Variants in PLXNA4 observed in about 807,000 individuals in gnomAD.
The protein encoded by PLXNA4 is plexin A4.
PLXNA4 carries 44 observed loss-of-function variants against 191.8 expected under a neutral mutation model. That is an observed-to-expected ratio of 0.23 (90% CI 0.18 to 0.29). PLXNA4 has a LOEUF of 0.29. Among genes scored for constraint, PLXNA4 ranks in the 10% least tolerant of loss-of-function variants. PLXNA4 has a pLI of 1.00. For missense variants in PLXNA4, 1,800 were observed against 2,488.8 expected (o/e 0.72, Z 5.89); for synonymous variants, 1,082 against 1,009.5 (o/e 1.07, Z -1.36).
At chr7:132,345,010 C>T (rs1438132179) in intron 3 of PLXNA4, among the ~76,000 whole-genome samples, 1 of 152,202 alleles carries the variant, frequency 6.6e-6, no homozygotes, top group Non-Finnish European at 1.5e-5. Flanking sequence ...TTTTCCCCAA[C>T]AGCCTAGGTG....
intron 16 of PLXNA4, among the ~76,000 whole-genome samples, chr7:132,183,951 G>A (rs1375047355): frequency 6.6e-6 from 1 of 152,234 alleles, no homozygotes; most frequent in African/African-American, 2.4e-5. Flanking sequence ...TAGTGAGAAA[G>A]CAGCTATAGA....
At chr7:132,559,416 C>G (rs1800935790) in intron 1 of PLXNA4, among the ~76,000 whole-genome samples, 1 of 152,174 alleles carries the variant, frequency 6.6e-6, no homozygotes, top group Admixed American at 6.5e-5. Flanking sequence ...CATCGTTTCA[C>G]TTGATGTTGT....
In PLXNA4 at chr7:132,179,348, C is replaced by T. The variant is rs530700153; in HGVS notation, c.3874+339G>A. On this transcript the variant is annotated intron_variant, in intron 20 of 31. Transcript: ENST00000321063. ...ACACGCACACACAGAGCCTCCAGCA[C>T]TGCCCACTGCTGCCCGGCCTGCTTG... Among the ~76,000 whole-genome samples the T allele has an allele frequency of 1.3e-3, 200 of 151,056 alleles. 1 individual carries two copies. The highest frequency in any genetic ancestry group is 4.7e-3 in the African/African-American group (190 of 40,758).
intron 2 of PLXNA4, among the ~76,000 whole-genome samples, chr7:132,598,603 C>A (rs1245294155): frequency 1.3e-5 from 2 of 152,136 alleles, no homozygotes; most frequent in Non-Finnish European, 2.9e-5. Flanking sequence ...CTATTCATAA[C>A]CTTTCCCTGT....
chr7:132,288,635 T>G (rs935778018), intron 4 of PLXNA4, among the ~76,000 whole-genome samples: 1 of 152,158 alleles, frequency 6.6e-6, no homozygotes, highest in Non-Finnish European at 1.5e-5. Flanking sequence ...CACGTGGGCT[T>G]GTCACCGTGT....
At chr7:132,420,177 C>T (rs2117138552) in intron 3 of PLXNA4, among the ~76,000 whole-genome samples, 1 of 152,326 alleles carries the variant, frequency 6.6e-6, no homozygotes, top group Non-Finnish European at 1.5e-5. Flanking sequence ...GCTCCTGTGC[C>T]TCTGTATTAG....
chr7:132,164,401 C>T (rs1405856187), intron 23 of PLXNA4, 113 bp from the exon 24 acceptor site: 5 of 1,449,482 alleles, frequency 3.4e-6, no homozygotes, highest in Non-Finnish European at 3.7e-6. Context: ...CTGCACCTGC[C>T]CCCACCTGCT....
upstream of PLXNA4, among the ~76,000 whole-genome samples, chr7:132,579,628 C>A (rs1318414521): frequency 6.6e-6 from 1 of 151,012 alleles, no homozygotes; most frequent in Admixed American, 6.6e-5. Flanking sequence ...GAAATGAATG[C>A]CATGTGGTGC....
chr7:132,359,082 C>G (rs1321712047), intron 3 of PLXNA4, among the ~76,000 whole-genome samples: 2 of 152,116 alleles, frequency 1.3e-5, no homozygotes, highest in Non-Finnish European at 2.9e-5. Flanking sequence ...CTTCCTGTCT[C>G]AGTTTTCTCC....
intron 29 of PLXNA4, 53 bp from the exon 30 acceptor site, chr7:132,140,864 G>A (rs1300344454): frequency 6.2e-7 from 1 of 1,603,108 alleles, no homozygotes; most frequent in East Asian, 2.2e-5. Context: ...GTGGGGCTGT[G>A]GTGTGGGTAG....
intron 9 of PLXNA4, among the ~76,000 whole-genome samples, chr7:132,217,982 C>T (rs1798022372): frequency 7.1e-6 from 1 of 140,202 alleles, no homozygotes; most frequent in Non-Finnish European, 1.5e-5. Flanking sequence ...GGTTGGATCC[C>T]AGGAATGCCT....
intron 28 of PLXNA4, among the ~76,000 whole-genome samples, chr7:132,145,833 G>A (rs1795410372): frequency 6.6e-6 from 1 of 151,128 alleles, no homozygotes; most frequent in Non-Finnish European, 1.5e-5. Flanking sequence ...CTTCTGGGAG[G>A]CTGAGGCGGA....
intron 3 of PLXNA4, among the ~76,000 whole-genome samples, chr7:132,388,850 C>G (rs1182517788): frequency 1.3e-5 from 2 of 152,202 alleles, no homozygotes; most frequent in African/African-American, 2.4e-5. Context: ...CATTAGCCTT[C>G]ATTATTCTAT....
chr7:132,554,066 A>G (rs1446364859), intron 1 of PLXNA4, among the ~76,000 whole-genome samples: 1 of 152,184 alleles, frequency 6.6e-6, no homozygotes, highest in Non-Finnish European at 1.5e-5. Context: ...ACTATTTCTC[A>G]ATTTTGCCCA....
intron 3 of PLXNA4, among the ~76,000 whole-genome samples, chr7:132,417,828 G>T (rs1794711714): frequency 1.3e-5 from 2 of 152,054 alleles, no homozygotes; most frequent in Non-Finnish European, 2.9e-5. Context: ...AGGAAAGCTG[G>T]TTTACTCTTT....
At position 132,182,194 on chromosome 7, in the gene PLXNA4, A is replaced by G. The variant is rs1357587805; in HGVS notation, c.3159-4T>C. On this transcript the variant is annotated splice_polypyrimidine_tract_variant and splice_region_variant and intron_variant, in intron 16 of 31. Transcript: ENST00000321063. ...TACGGCGATGGGTGTGTTTCCACTGAGCAGGAAGAAAGAAGGAGATGTGTA... is the reference window on the plus strand; with the variant it reads ...TACGGCGATGGGTGTGTTTCCACTGGGCAGGAAGAAAGAAGGAGATGTGTA... 1.9e-6 allele frequency: 3 copies of G among 1,614,024 alleles called. No individual in the cohort carries two copies.
At chr7:132,291,098 T>A (rs1410629218) in intron 4 of PLXNA4, among the ~76,000 whole-genome samples, 1 of 152,112 alleles carries the variant, frequency 6.6e-6, no homozygotes, top group Non-Finnish European at 1.5e-5. Flanking sequence ...GCTGTCTCAC[T>A]CACCACTTTC....
intron 9 of PLXNA4, among the ~76,000 whole-genome samples, chr7:132,218,083 T>C (rs1383166467): frequency 6.6e-6 from 1 of 151,980 alleles, no homozygotes; most frequent in Non-Finnish European, 1.5e-5. Flanking sequence ...CTTGGTCTGC[T>C]CCTGTCTCAG....
chr7:132,568,096 T>A (rs937740413), intron 1 of PLXNA4, among the ~76,000 whole-genome samples: 5 of 152,182 alleles, frequency 3.3e-5, no homozygotes, highest in Admixed American at 1.3e-4. Flanking sequence ...TAAAAAACGT[T>A]GATGAGGGGC....
Sources: gnomAD v4.1 joint callset for allele counts (sites outside exome capture counted in the v4.1 genomes callset) on GRCh38, gnomAD v4.1.1 for gene constraint, MANE v1.5 for transcripts, NCBI Gene and HGNC (gene_info 2026-07-23, HGNC 2026-07-21) for gene names.